DLGAP2: variants seen among roughly 807,000 people sequenced by gnomAD.
DLGAP2 encodes the protein DLG associated protein 2.
DLGAP2 carries 26 observed loss-of-function variants against 100.3 expected under a neutral mutation model. The ratio of observed to expected loss-of-function variants is 0.26; its 90% confidence interval spans 0.19 to 0.36. DLGAP2 has a LOEUF of 0.36. Ranked by LOEUF, DLGAP2 falls within the 10% of genes least tolerant of loss-of-function variation. DLGAP2 has a pLI of 1.00. For missense variants in DLGAP2, 1,858 were observed against 1,453.2 expected, an observed-to-expected ratio of 1.28 and a Z score of -4.53; for synonymous variants, 886 against 630.1, an observed-to-expected ratio of 1.41 and a Z score of -6.08.
intron 1 of DLGAP2, among the ~76,000 whole-genome samples, chr8:772,270 A>T (rs1216486726): frequency 6.6e-6 from 1 of 152,088 alleles, no homozygotes; most frequent in South Asian, 2.1e-4. Context: ...ATGTTTAATA[A>T]TATATTATTT....
chr8:1,598,580 C>T (rs1303839964), intron 6 of DLGAP2, among the ~76,000 whole-genome samples: 2 of 151,992 alleles, frequency 1.3e-5, no homozygotes, highest in East Asian at 3.8e-4. Context: ...ACTTATTCCT[C>T]ATTTAGTCTT....
chr8:1,237,347 G>GTCTAGTTCTCTCT, intron 2 of DLGAP2, among the ~76,000 whole-genome samples: 1 of 105,228 alleles, frequency 9.5e-6, no homozygotes, highest in Non-Finnish European at 1.9e-5. Context: ...ATGGTGCCGT[G>GTCTAGTTCTCTCT]TCTAGTTCTC....
chr8:928,303 C>G (rs1016542512), intron 2 of DLGAP2, among the ~76,000 whole-genome samples: 1 of 151,890 alleles, frequency 6.6e-6, no homozygotes. Context: ...TGTGTGTTCA[C>G]TAGGCATCCT....
At chr8:800,121 C>T (rs988226923) in intron 1 of DLGAP2, among the ~76,000 whole-genome samples, 14 of 152,108 alleles carry the variant, frequency 9.2e-5, no homozygotes, top group Non-Finnish European at 1.5e-5. Flanking sequence ...TGTCTCTAAT[C>T]TGGTCTATGC....
rs536584368 is a variant in DLGAP2, at chr8:1,359,256, T to C, written c.106+100373T>C. Among the ~76,000 whole-genome samples, 95 of 152,258 alleles carry C rather than the reference T, an allele frequency of 6.2e-4. 1 individual carries two copies. The highest frequency in any genetic ancestry group is 4.8e-3 in the East Asian group (25 of 5,166). On this transcript the variant is annotated intron_variant, in intron 3 of 14. Transcript: ENST00000637795. ...CCTCCCGGGACGCATCCCCTTCTCC[T>C]CGCTGCCCTCCCTGCTGGGAAGACC...
intron 4 of DLGAP2, among the ~76,000 whole-genome samples, chr8:1,507,807 T>TCCCTCCCACCCACCACCCTCCCC (rs1799984986): frequency 2.1e-5 from 1 of 48,438 alleles, no homozygotes; most frequent in Admixed American, 2.3e-4. Context: ...CCACCCTCCC[T>TCCCTCCCACCCACCACCCTCCCC]CCACCCACCA....
rs1335790093 is a variant in DLGAP2, at chr8:1,548,958, C to T, written c.505C>T (p.His169Tyr). 3.1e-6 allele frequency: 5 copies of T among 1,599,082 alleles called. No homozygotes were observed. In the South Asian group the frequency reaches 4.4e-5, roughly 14 times the overall value. Reference sequence around the variant, plus strand: ...CTTCCCGCGGATGCACTACAGCTCGCACTACGACACGCGCGACGACTGCGC... The same window carrying T: ...CTTCCCGCGGATGCACTACAGCTCGTACTACGACACGCGCGACGACTGCGC... ...STFPRMHYSSHYDTRDDCAVA... is the reference protein window; with the variant it reads ...STFPRMHYSSYYDTRDDCAVA... The change falls in exon 5 of 15, where the codon CAC becomes TAC. Residue 169 changes from histidine to tyrosine, a missense_variant. By Grantham distance (83) the His-to-Tyr change is moderately conservative. Coordinates refer to ENST00000637795, the MANE Select transcript of DLGAP2 (RefSeq NM_001346810.2).
At position 1,566,580 on chromosome 8, in the gene DLGAP2, G is replaced by A. The variant is rs373345446; in HGVS notation, c.1442+686G>A. 2.6e-3 allele frequency among the ~76,000 whole-genome samples: 389 copies of A among 152,314 alleles called. 3 individuals are homozygous for A. Among genetic ancestry groups the A allele is most frequent in the African/African-American group, 8.8e-3 (365 of 41,562 alleles). On this transcript the variant is annotated intron_variant, in intron 6 of 14. Transcript: ENST00000637795. ...CTGGAAGCTACCCCTGCCTTCTGCG[G>A]CCGGCTGTGAGGTCCTGGGCAAGTG...
chr8:867,207 C>G (rs1797514977), intron 1 of DLGAP2, among the ~76,000 whole-genome samples: 1 of 152,202 alleles, frequency 6.6e-6, no homozygotes, highest in African/African-American at 2.4e-5. Context: ...TTGCTTTATG[C>G]AAGAAAAATG....
intron 2 of DLGAP2, among the ~76,000 whole-genome samples, chr8:1,082,919 C>T (rs566384860): frequency 8.5e-5 from 13 of 152,222 alleles, no homozygotes; most frequent in African/African-American, 2.9e-4. Context: ...GAATAGTTTA[C>T]AAAACTTCTT....
chr8:1,674,152 C>G (rs112564758), intron 10 of DLGAP2, among the ~76,000 whole-genome samples: 3,747 of 152,292 alleles, frequency 0.025, 62 homozygotes, highest in African/African-American at 0.043. Context: ...GTCCTGGGCT[C>G]AAGTGATCCT....
At chr8:1,200,276 G>C (rs367985594) in intron 2 of DLGAP2, among the ~76,000 whole-genome samples, 1 of 152,166 alleles carries the variant, frequency 6.6e-6, no homozygotes, top group Non-Finnish European at 1.5e-5. Context: ...TTCATGCGCC[G>C]TCTCCAGCCT....
At chr8:886,326 C>T (rs1158395398) in intron 1 of DLGAP2, among the ~76,000 whole-genome samples, 1 of 151,956 alleles carries the variant, frequency 6.6e-6, no homozygotes, top group African/African-American at 2.4e-5. Flanking sequence ...AAAAACAGCT[C>T]CTGGATTTGT....
chr8:1,034,499 G>A (rs1435517801), intron 2 of DLGAP2, among the ~76,000 whole-genome samples: 1 of 72,270 alleles, frequency 1.4e-5, no homozygotes, highest in African/African-American at 7.7e-5. Context: ...TCCCGACCCC[G>A]CGTGTCACCG....
At chr8:1,261,017 G>A (rs140700271) in intron 3 of DLGAP2, among the ~76,000 whole-genome samples, 45 of 152,368 alleles carry the variant, frequency 3.0e-4, no homozygotes, top group African/African-American at 1.1e-3. Flanking sequence ...TGACAGTGGC[G>A]TGAGGAGGGG....
Position 1,668,482 on chromosome 8 carries a change from A to G in DLGAP2, c.1964A>G (p.Gln655Arg), listed in dbSNP as rs773682121. Residue 655 changes from glutamine to arginine, a missense_variant, in exon 9 of 15, where the codon CAG (glutamine) becomes CGG (arginine). Gln to Arg is a conservative substitution (Grantham distance 43, BLOSUM62 1). Coordinates refer to ENST00000637795, the MANE Select transcript of DLGAP2 (RefSeq NM_001346810.2). ...GCACAGAGGATGTCCCCGTGGCCCCAGGACAGCCGCGGCCTCTACAACTCC... is the reference window on the plus strand; with the variant it reads ...GCACAGAGGATGTCCCCGTGGCCCCGGGACAGCCGCGGCCTCTACAACTCC... ...SRAQRMSPWP[Q>R]DSRGLYNSTD... 1.0e-5 allele frequency: 16 copies of G among 1,593,936 alleles called. No individual in the cohort carries two copies. Among genetic ancestry groups the G allele is most frequent in the Non-Finnish European group, 1.3e-5 (15 of 1,171,274 alleles).
chr8:1,343,703 G>A (rs1012360905), intron 3 of DLGAP2, among the ~76,000 whole-genome samples: 1 of 128,646 alleles, frequency 7.8e-6, no homozygotes, highest in Non-Finnish European at 1.8e-5. Context: ...TTGCATCTGG[G>A]GGGTCGTGGG....
intron 3 of DLGAP2, among the ~76,000 whole-genome samples, chr8:1,411,557 G>C (rs913236533): frequency 6.6e-6 from 1 of 152,174 alleles, no homozygotes; most frequent in South Asian, 2.1e-4. Flanking sequence ...GCCTTGGGCA[G>C]ATTAAACGAG....
chr8:1,373,408 G>T (rs904703828), intron 3 of DLGAP2, among the ~76,000 whole-genome samples: 1 of 152,158 alleles, frequency 6.6e-6, no homozygotes, highest in Non-Finnish European at 1.5e-5. Flanking sequence ...TTGCGTCCCC[G>T]GGCTTCCTGC....
Sources: gnomAD v4.1 joint callset for allele counts (sites outside exome capture counted in the v4.1 genomes callset) on GRCh38, gnomAD v4.1.1 for gene constraint, MANE v1.5 for transcripts, NCBI Gene and HGNC (gene_info 2026-07-23, HGNC 2026-07-21) for gene names.